VIRMA: variants seen among roughly 807,000 people sequenced by gnomAD.
VIRMA encodes vir like m6A methyltransferase associated.
VIRMA carries 65 observed loss-of-function variants against 182.4 expected under a neutral mutation model. The observed-to-expected ratio is 0.36, with a 90% confidence interval of 0.29 to 0.44. The LOEUF (loss-of-function observed/expected upper bound fraction) is 0.44. VIRMA is among the 20% of genes least tolerant of loss of function. The probability of loss-of-function intolerance (pLI) is 1.00; values close to 1 mark genes in which losing one functional copy is unlikely to be tolerated. For missense variants in VIRMA, 1,752 were observed against 2,158.1 expected, an observed-to-expected ratio of 0.81 and a Z score of 3.73; for synonymous variants, 709 against 743.1, an observed-to-expected ratio of 0.95 and a Z score of 0.75.
intron 11 of VIRMA, among the ~76,000 whole-genome samples, chr8:94,512,642 C>T (rs763833802): frequency 1.1e-4 from 16 of 151,992 alleles, no homozygotes; most frequent in Non-Finnish European, 2.2e-4. Context: ...CCAGGCATGA[C>T]GGTGCGTGCC....
chr8:94,506,741 A>T, intron 15 of VIRMA, 24 bp from the exon 16 acceptor site: 1 of 1,529,744 alleles, frequency 6.5e-7, no homozygotes, highest in Non-Finnish European at 9.0e-7. Context: ...GGAAAAAAAA[A>T]TCGATTTTTT....
intron 19 of VIRMA, 98 bp from the exon 20 acceptor site, chr8:94,495,054 G>T: frequency 1.3e-6 from 1 of 794,156 alleles, no homozygotes; most frequent in Non-Finnish European, 2.2e-6. Context: ...CAGCTGGAGC[G>T]CAGTGGCACG....
At chr8:94,516,247 C>T (rs1446804542) in intron 10 of VIRMA, among the ~76,000 whole-genome samples, 1 of 152,152 alleles carries the variant, frequency 6.6e-6, no homozygotes, top group African/African-American at 2.4e-5. Flanking sequence ...AGGAATGAAA[C>T]CCAAGGGGAG....
rs1264659628 is a variant in VIRMA, at chr8:94,495,748, CTGAAGA to C, written c.4521_4526del (p.Leu1508_Gln1509del). 6.2e-7 allele frequency: 1 copy of C among 1,613,288 alleles called. No individual in the cohort carries two copies. The highest frequency in any genetic ancestry group is 8.5e-7 in the Non-Finnish European group (1 of 1,179,698). On this transcript the variant is annotated inframe_deletion, in exon 19 of 24. Coordinates refer to ENST00000297591, the MANE Select transcript of VIRMA (RefSeq NM_015496.5). Reference sequence around the variant, plus strand: ...TATTTTACCTATTGTTAAACAGATTCTGAAGAGATTCTGGAGCTGAAAGTACTGGTT... The same window carrying C: ...TATTTTACCTATTGTTAAACAGATTCGATTCTGGAGCTGAAAGTACTGGTT...
In VIRMA at chr8:94,508,291, G is replaced by A. The variant is rs1043399708; in HGVS notation, c.3879+1397C>T. Among the ~76,000 whole-genome samples the A allele has an allele frequency of 3.3e-5, 5 of 151,930 alleles. No homozygotes were observed. In the South Asian group the frequency reaches 1.0e-3, roughly 32 times the overall value. ...AGTAGAGATGGGGTTTCACCATATT[G>A]GCCAGGCTGGTCTCAAACTCCTGAT... On this transcript the variant is annotated intron_variant, in intron 15 of 23. Transcript: ENST00000297591.
At position 94,510,925 on chromosome 8, in the gene VIRMA, T is replaced by A. The variant is rs1361865999; in HGVS notation, c.3390+260A>T. The A allele has an allele frequency of 6.4e-6, 8 of 1,256,960 alleles. No individual in the cohort carries two copies. In the African/African-American group the frequency reaches 1.2e-4, roughly 19 times the overall value. 77.9% of individuals were successfully genotyped at this position (1,256,960 alleles called of 1,614,324 possible). On this transcript the variant is annotated intron_variant, in intron 13 of 23. Coordinates refer to ENST00000297591, the MANE Select transcript of VIRMA (RefSeq NM_015496.5). ...ACATGGTAAGGTGTGGGGGAAAGGA[T>A]TTAAAATAACAGAAAAATGTAAGTA...
chr8:94,529,148 G>T lies in VIRMA; in HGVS notation c.802C>A (p.Arg268=). The change falls in exon 7 of 24, where the codon CGA becomes AGA. Residue 268 remains arginine, a synonymous_variant. Transcript: ENST00000297591. ...EEEEDEDEDD[R]RTVDSIPEEE... is the part of the protein sequence containing the mutation. ...TCAGGAATACTGTCTACTGTTCGTCGATCATCCTCATCCTCATCCTCTTCT... is the reference window on the plus strand; with the variant it reads ...TCAGGAATACTGTCTACTGTTCGTCTATCATCCTCATCCTCATCCTCTTCT... 1 of 1,429,406 alleles carries T rather than the reference G, an allele frequency of 7.0e-7. No individual in the cohort carries two copies. 88.5% of individuals were successfully genotyped at this position (1,429,406 alleles called of 1,614,324 possible). A position where few individuals can be genotyped will look rare whatever the true frequency, so the allele number is the denominator to read the frequency against.
rs542894185 is a variant in VIRMA at position 94,508,379 on chromosome 8, C to T, written c.3879+1309G>A. ...GATTACAGGCGTGAGCTACCATGCC[C>T]GGCCAGAAGTAAACTAAATTTTACA... On this transcript the variant is annotated intron_variant, in intron 15 of 23. Transcript: ENST00000297591. Among the ~76,000 whole-genome samples, 168 of 152,094 alleles carry T rather than the reference C, an allele frequency of 1.1e-3. 2 individuals carry two copies. Among genetic ancestry groups the T allele is most frequent in the South Asian group, 5.4e-3 (26 of 4,810 alleles).
At chr8:94,546,864 T>C (rs3133651) in intron 1 of VIRMA, 280,242 of 453,374 alleles carry the variant, frequency 0.62, 89,820 homozygotes, top group East Asian at 0.81. Context: ...GATCTTACTG[T>C]TGCCAAGCCA....
chr8:94,517,795 T>A lies in VIRMA; in HGVS notation c.2661A>T (p.Lys887Asn), dbSNP rs200056065. ...KLCKADENNA[K>N]LQELGKWLEP... The stretch of plus-strand genomic sequence containing the variant: ...TAACTTTAAGTACCATACCTTGCAA[T>A]TTAGCATTATTTTCATCTGCTTTAC... Residue 887 changes from lysine (K) to asparagine (N), a missense_variant, in exon 10 of 24, where the codon AAA becomes AAT. This residue lies in a region of VIRMA where 777 missense variants were observed against 920.6 expected (regional missense o/e 0.84). Coordinates refer to ENST00000297591, the MANE Select transcript of VIRMA (RefSeq NM_015496.5). The A allele has an allele frequency of 5.6e-6, 9 of 1,599,878 alleles. No individual in the cohort carries two copies.
chr8:94,544,861 C>T (rs1310492954), intron 1 of VIRMA, among the ~76,000 whole-genome samples: 5 of 151,544 alleles, frequency 3.3e-5, no homozygotes, highest in Admixed American at 3.3e-4. Flanking sequence ...ACTTACATAC[C>T]AACTAATATC....
intron 17 of VIRMA, chr8:94,498,935 G>T: frequency 6.6e-6 from 1 of 152,632 alleles, no homozygotes; most frequent in Non-Finnish European, 1.5e-5. Flanking sequence ...CAAAAAATTA[G>T]CTGGGCATGG....
intron 6 of VIRMA, among the ~76,000 whole-genome samples, chr8:94,530,644 C>T (rs56716157): frequency 0.2 from 31,158 of 152,208 alleles, 4,085 homozygotes; most frequent in East Asian, 0.47. Flanking sequence ...TAGCCAGGCA[C>T]GGTGGCTTAT....
At chr8:94,510,839 G>A (rs1440589406) in intron 13 of VIRMA, 187 bp from the exon 14 acceptor site, 2 of 774,000 alleles carry the variant, frequency 2.6e-6, no homozygotes, top group Admixed American at 3.0e-5. Flanking sequence ...TTGTTCTCAG[G>A]TTAGCAGTTA....
intron 15 of VIRMA, among the ~76,000 whole-genome samples, chr8:94,507,742 A>G (rs958974301): frequency 2.0e-5 from 3 of 151,976 alleles, no homozygotes; most frequent in Non-Finnish European, 2.9e-5. Flanking sequence ...CAACAGAGCC[A>G]GACTCCATCT....
At chr8:94,553,348 C>T (rs1256433842) in intron 1 of VIRMA, 37 bp downstream of exon 1, 1 of 1,604,372 alleles carries the variant, frequency 6.2e-7, no homozygotes, top group South Asian at 1.1e-5. Flanking sequence ...GATCCCAAGT[C>T]AAGAAGCAGC....
intron 1 of VIRMA, among the ~76,000 whole-genome samples, chr8:94,552,646 G>T (rs1233722838): frequency 6.6e-6 from 1 of 152,022 alleles, no homozygotes; most frequent in Admixed American, 6.6e-5. Flanking sequence ...TAGTTAACCA[G>T]CTATGTTTAA....
chr8:94,491,718 G>A lies in VIRMA; in HGVS notation c.5000C>T (p.Pro1667Leu), dbSNP rs1483781678. 5.6e-6 allele frequency: 9 copies of A among 1,613,992 alleles called. No homozygotes were observed. Among genetic ancestry groups the A allele is most frequent in the Non-Finnish European group, 7.6e-6 (9 of 1,180,022 alleles). ...FVAAESKEVVPQDGIPPPKRP... is the reference protein window; with the variant it reads ...FVAAESKEVVLQDGIPPPKRP... The stretch of plus-strand genomic sequence containing the variant: ...TTTTGGTGGAGGTATTCCATCTTGA[G>A]GAACCACTTCTTTACTTTCAGCAGC... The change falls in exon 22 of 24, where the codon CCT (proline) becomes CTT (leucine). Residue 1667 changes from proline to leucine, a missense_variant. Around this residue, in one of 11 missense-constraint regions of VIRMA, gnomAD observed 12 missense variants for 24.2 expected, o/e 0.50. Transcript: ENST00000297591.
chr8:94,506,730 G>GA lies in VIRMA; in HGVS notation c.3880-14_3880-13insT. The GA allele has an allele frequency of 1.3e-6, 2 of 1,561,342 alleles. No individual in the cohort carries two copies. Among genetic ancestry groups the GA allele is most frequent in the Non-Finnish European group, 1.7e-6 (2 of 1,149,008 alleles). On this transcript the variant is annotated splice_polypyrimidine_tract_variant and intron_variant, in intron 15 of 23. Coordinates refer to ENST00000297591, the MANE Select transcript of VIRMA (RefSeq NM_015496.5). ...TAAGTGCAATGTCCTGTGGGGAGCA[G>GA]GGAAAAAAAAATCGATTTTTTAAAT...
Sources: allele counts gnomAD v4.1 joint callset (sites outside exome capture counted in the v4.1 genomes callset), GRCh38; gene constraint gnomAD v4.1.1; regional missense constraint gnomAD v4.1.1; transcripts MANE v1.5; gene names NCBI Gene and HGNC (gene_info 2026-07-23, HGNC 2026-07-21).